Variants in CHN2 observed in about 807,000 individuals in gnomAD.
CHN2 encodes beta-chimaerin.
In CHN2, 35 loss-of-function variants were observed where a neutral mutation model predicts 56.3. The ratio of observed to expected loss-of-function variants is 0.62; its 90% CI spans 0.47 to 0.82. The LOEUF (loss-of-function observed/expected upper bound fraction) is 0.82, where lower values mean the gene tolerates loss of function less well. Among genes scored for constraint, CHN2 ranks in the 40% least tolerant of loss-of-function variants. The pLI is 0.00. For synonymous variants in CHN2, 210 were observed against 212.8 expected, an observed-to-expected ratio of 0.99 and a Z score of 0.12; for missense variants, 491 against 580.5, an observed-to-expected ratio of 0.85 and a Z score of 1.58.
intron 6 of CHN2, among the ~76,000 whole-genome samples, chr7:29,413,374 T>C (rs900092215): frequency 6.6e-6 from 1 of 152,214 alleles, no homozygotes; most frequent in Non-Finnish European, 1.5e-5. Flanking sequence ...GCTATGCGTG[T>C]CCCAACACAC....
At chr7:29,361,518 A>G (rs1798731668) in intron 2 of CHN2, among the ~76,000 whole-genome samples, 2 of 152,172 alleles carry the variant, frequency 1.3e-5, no homozygotes, top group Admixed American at 1.3e-4. Flanking sequence ...TCATCAAATA[A>G]TGATGTCTAC....
At position 29,316,881 on chromosome 7, in the gene CHN2, G is replaced by A. The variant is rs140066034; in HGVS notation, c.50-37744G>A. ...TCATGTGGTCCCTGGAACTCTGTAT[G>A]CAATTATTTGCTCTGCTGATAAAAA... On this transcript the variant is annotated intron_variant, in intron 1 of 12. Coordinates refer to ENST00000222792, the MANE Select transcript of CHN2 (RefSeq NM_004067.4). Among the ~76,000 whole-genome samples, 8 of 152,196 alleles carry A rather than the reference G, an allele frequency of 5.3e-5. No individual in the cohort carries two copies. The East Asian group carries it at 7.7e-4, about 15-fold the overall frequency.
intron 6 of CHN2, among the ~76,000 whole-genome samples, chr7:29,431,055 G>T (rs1023603931): frequency 1.1e-4 from 17 of 152,220 alleles, no homozygotes; most frequent in African/African-American, 3.9e-4. Flanking sequence ...GGGGGGCAGA[G>T]AATCTGCCCC....
intron 6 of CHN2, among the ~76,000 whole-genome samples, chr7:29,430,789 CAAAAAAAA>C (rs72339566): frequency 3.5e-5 from 4 of 113,708 alleles, no homozygotes; most frequent in African/African-American, 6.0e-5. Context: ...AAGATGATAG[CAAAAAAAA>C]AAAAAAAAAA....
intron 2 of CHN2, among the ~76,000 whole-genome samples, chr7:29,172,402 T>C (rs1343497314): frequency 6.6e-6 from 1 of 152,204 alleles, no homozygotes; most frequent in Non-Finnish European, 1.5e-5. Flanking sequence ...TCTAAAGTTT[T>C]CTTAATATGC....
intron 1 of CHN2, among the ~76,000 whole-genome samples, chr7:29,318,977 A>G (rs1432797213): frequency 6.6e-6 from 1 of 152,206 alleles, no homozygotes; most frequent in Non-Finnish European, 1.5e-5. Flanking sequence ...TACAAGCCCC[A>G]GAGTAGTGCA....
chr7:29,485,486 T>G (rs979333062), intron 7 of CHN2, among the ~76,000 whole-genome samples: 26 of 152,196 alleles, frequency 1.7e-4, no homozygotes, highest in Non-Finnish European at 2.9e-5. Flanking sequence ...GGCTCCCTAG[T>G]GCTGGAGATC....
At chr7:29,405,161 CCATACACA>C (rs1802529449) in intron 6 of CHN2, among the ~76,000 whole-genome samples, 1 of 49,872 alleles carries the variant, frequency 2.0e-5, no homozygotes, top group South Asian at 6.1e-4. Flanking sequence ...GCTTATGTCA[CCATACACA>C]CACACACACA....
intron 1 of CHN2, among the ~76,000 whole-genome samples, chr7:29,224,702 A>G (rs1299556451): frequency 6.6e-6 from 1 of 152,220 alleles, no homozygotes; most frequent in African/African-American, 2.4e-5. Flanking sequence ...AAGTTAAAGA[A>G]TTCTCCACCA....
chr7:29,185,037 G>A (rs1798543155), intron 2 of CHN2, among the ~76,000 whole-genome samples: 1 of 152,036 alleles, frequency 6.6e-6, no homozygotes. Flanking sequence ...CCAAGCTGAG[G>A]GTTTTATTTT....
intron 5 of CHN2, among the ~76,000 whole-genome samples, chr7:29,400,062 G>C (rs1490396565): frequency 6.6e-6 from 1 of 152,174 alleles, no homozygotes; most frequent in African/African-American, 2.4e-5. Flanking sequence ...TGGTAAAGAT[G>C]CGTTAACAAG....
intron 6 of CHN2, among the ~76,000 whole-genome samples, chr7:29,475,790 TA>T (rs1365710004): frequency 1.3e-5 from 2 of 152,194 alleles, no homozygotes; most frequent in Non-Finnish European, 2.9e-5. Context: ...AAAACCCATA[TA>T]TTGTACGATT....
At chr7:29,453,199 G>T (rs911298429) in intron 6 of CHN2, among the ~76,000 whole-genome samples, 1 of 152,164 alleles carries the variant, frequency 6.6e-6, no homozygotes, top group African/African-American at 2.4e-5. Context: ...AGAAACTGAC[G>T]TCAGGGTCAG....
chr7:29,313,766 A>C (rs151255201), intron 1 of CHN2, among the ~76,000 whole-genome samples: 7 of 152,156 alleles, frequency 4.6e-5, no homozygotes, highest in African/African-American at 1.7e-4. Context: ...TCGTGTTCAT[A>C]CCCTTTATCT....
At chr7:29,284,035 C>A (rs115069130) in intron 1 of CHN2, among the ~76,000 whole-genome samples, 3,227 of 149,066 alleles carry the variant, frequency 0.022, 120 homozygotes, top group African/African-American at 0.075. Context: ...GCCTCCCTCC[C>A]TGTCTGTAGC....
At chr7:29,223,146 CAAT>C (rs1785931843) in intron 1 of CHN2, among the ~76,000 whole-genome samples, 1 of 152,106 alleles carries the variant, frequency 6.6e-6, no homozygotes, top group Admixed American at 6.6e-5. Flanking sequence ...ATAAAAATAA[CAAT>C]GATATATCAC....
intron 6 of CHN2, among the ~76,000 whole-genome samples, chr7:29,423,577 C>T (rs10486614): frequency 0.22 from 32,844 of 152,228 alleles, 4,257 homozygotes; most frequent in Admixed American, 0.29. Flanking sequence ...TGGCCAGCAA[C>T]GGTTCTCCAG....
chr7:29,489,015 C>T (rs561943704), intron 7 of CHN2, among the ~76,000 whole-genome samples: 5 of 152,118 alleles, frequency 3.3e-5, no homozygotes, highest in Non-Finnish European at 7.4e-5. Context: ...CTACATTGAC[C>T]CATCAAAACA....
intron 1 of CHN2, among the ~76,000 whole-genome samples, chr7:29,335,319 CT>C (rs373161550): frequency 6.2e-4 from 95 of 152,312 alleles, no homozygotes; most frequent in African/African-American, 2.2e-3. Flanking sequence ...AAAAACAGCC[CT>C]TGCTGGAGGC....
Sources: gnomAD v4.1 joint callset for allele counts (sites outside exome capture counted in the v4.1 genomes callset) on GRCh38, gnomAD v4.1.1 for gene constraint, MANE v1.5 for transcripts, NCBI Gene and HGNC (gene_info 2026-07-23, HGNC 2026-07-21) for gene names.